The following DPY19L3 variants were observed in gnomAD, a reference collection of about 807,000 sequenced individuals.
DPY19L3 encodes the protein protein C-mannosyl-transferase DPY19L3.
Under a neutral mutation model 92.3 loss-of-function variants are expected in DPY19L3, and 51 were observed. The observed-to-expected ratio is 0.55, with a 90% CI of 0.44 to 0.70. The LOEUF (loss-of-function observed/expected upper bound fraction) is 0.70. Ranked by LOEUF, DPY19L3 falls within the 30% of genes least tolerant of loss-of-function variation. The pLI, the probability that DPY19L3 is intolerant of heterozygous loss-of-function variation, is 0.00. For synonymous variants in DPY19L3, 309 were observed against 315.2 expected (o/e 0.98, Z 0.21); for missense variants, 706 against 855.9 (o/e 0.82, Z 2.18).
Position 32,471,259 on chromosome 19 carries a change from G to A in DPY19L3, c.1697+2446G>A, listed in dbSNP as rs368496134. Among the ~76,000 whole-genome samples the A allele has an allele frequency of 4.6e-5, 7 of 152,270 alleles. No individual in the cohort carries two copies. In the East Asian group the frequency reaches 1.4e-3, roughly 29 times the overall value. The stretch of plus-strand genomic sequence containing the variant: ...GCTGTGTCTGAAAGAGTCCCAAGAC[G>A]CCTGGCAGAGAACCAGCACTGTCCC... On this transcript the variant is annotated intron_variant, in intron 16 of 18. Coordinates refer to ENST00000392250, the MANE Select transcript of DPY19L3 (RefSeq NM_001172774.2).
intron 16 of DPY19L3, among the ~76,000 whole-genome samples, chr19:32,474,516 A>ATACG (rs1294910868): frequency 6.6e-6 from 1 of 152,198 alleles, no homozygotes; most frequent in Non-Finnish European, 1.5e-5. Context: ...GCATTAGTAA[A>ATACG]TACGTGATAC....
intron 6 of DPY19L3, among the ~76,000 whole-genome samples, chr19:32,438,074 T>C (rs1450413025): frequency 6.6e-6 from 1 of 152,200 alleles, no homozygotes; most frequent in Non-Finnish European, 1.5e-5. Flanking sequence ...GTTTTTGCCT[T>C]ATTTAATATC....
At chr19:32,417,766 T>C (rs1968427435) in intron 3 of DPY19L3, among the ~76,000 whole-genome samples, 2 of 152,204 alleles carry the variant, frequency 1.3e-5, no homozygotes, top group Admixed American at 1.3e-4. Flanking sequence ...TAAACCTCTT[T>C]CCTTTATAAA....
intron 8 of DPY19L3, among the ~76,000 whole-genome samples, chr19:32,449,827 T>C (rs7252443): frequency 0.31 from 46,613 of 152,004 alleles, 8,138 homozygotes; most frequent in African/African-American, 0.46. Flanking sequence ...GAAAACATAG[T>C]AATAACTCTT....
intron 8 of DPY19L3, among the ~76,000 whole-genome samples, chr19:32,443,505 G>A (rs1446866102): frequency 6.6e-6 from 1 of 152,126 alleles, no homozygotes; most frequent in Admixed American, 6.6e-5. Context: ...ATGTGAGGAG[G>A]ACACAGCAAG....
chr19:32,449,581 C>G (rs1969630678), intron 8 of DPY19L3, among the ~76,000 whole-genome samples: 1 of 151,954 alleles, frequency 6.6e-6, no homozygotes, highest in Non-Finnish European at 1.5e-5. Context: ...TGACATAAAC[C>G]CATGGAATAG....
intron 4 of DPY19L3, among the ~76,000 whole-genome samples, chr19:32,434,637 C>T (rs1025723456): frequency 2.6e-5 from 4 of 152,162 alleles, no homozygotes; most frequent in South Asian, 4.1e-4. Flanking sequence ...CCAGCCTGGG[C>T]GACAGAGCGA....
intron 16 of DPY19L3, 186 bp downstream of exon 16, chr19:32,468,999 C>T (rs536199726): frequency 1.3e-5 from 6 of 471,416 alleles, no homozygotes; most frequent in South Asian, 5.0e-5. Context: ...GAAATATTCT[C>T]TCCAGCTATA....
chr19:32,459,378 G>A (rs906379892), intron 12 of DPY19L3, among the ~76,000 whole-genome samples: 5 of 152,154 alleles, frequency 3.3e-5, no homozygotes, highest in East Asian at 1.9e-4. Context: ...GCCAATTAAT[G>A]TGCTGGTGAA....
intron 4 of DPY19L3, among the ~76,000 whole-genome samples, chr19:32,434,549 C>T (rs1023020020): frequency 6.6e-6 from 1 of 152,304 alleles, no homozygotes; most frequent in African/African-American, 2.4e-5. Flanking sequence ...ATTCCAGCTA[C>T]TCCGGAGGCT....
intron 12 of DPY19L3, among the ~76,000 whole-genome samples, chr19:32,460,323 A>T (rs1969997661): frequency 6.6e-6 from 1 of 152,188 alleles, no homozygotes; most frequent in Non-Finnish European, 1.5e-5. Context: ...AGGCGGGAGG[A>T]TCACTTGAGC....
At chr19:32,411,817 C>G (rs1322402602) in intron 3 of DPY19L3, 1 of 163,378 alleles carries the variant, frequency 6.1e-6, no homozygotes. Flanking sequence ...CTGCCTGTCT[C>G]AGCCTCCCAA....
chr19:32,438,530 G>A (rs541919694), intron 6 of DPY19L3, among the ~76,000 whole-genome samples: 1 of 151,936 alleles, frequency 6.6e-6, no homozygotes, highest in Non-Finnish European at 1.5e-5. Flanking sequence ...GATATATGTA[G>A]ATATAGGTAC....
At chr19:32,477,196 T>G (rs1970537120) in intron 16 of DPY19L3, among the ~76,000 whole-genome samples, 1 of 152,048 alleles carries the variant, frequency 6.6e-6, no homozygotes, top group Non-Finnish European at 1.5e-5. Flanking sequence ...CTTATAAAAG[T>G]AAACCTAGCA....
chr19:32,427,200 G>A (rs1414346135), intron 3 of DPY19L3, among the ~76,000 whole-genome samples: 1 of 152,126 alleles, frequency 6.6e-6, no homozygotes, highest in African/African-American at 2.4e-5. Flanking sequence ...TTGCCATGTT[G>A]CCTAGGCTGG....
intron 7 of DPY19L3, among the ~76,000 whole-genome samples, 182 bp downstream of exon 7, chr19:32,439,417 T>G (rs1423422008): frequency 6.6e-6 from 1 of 152,222 alleles, no homozygotes; most frequent in African/African-American, 2.4e-5. Flanking sequence ...AAAGAAAATG[T>G]TTTCATTTTT....
In DPY19L3 at chr19:32,480,432, G is replaced by C; in HGVS notation, c.1864G>C (p.Glu622Gln). 6.2e-7 allele frequency: 1 copy of C among 1,613,672 alleles called. No individual in the cohort carries two copies. The highest frequency in any genetic ancestry group is 8.5e-7 in the Non-Finnish European group (1 of 1,179,848). Reference sequence around the variant, plus strand: ...GATATATGCCAAGAGGGCACCAGAGGAAGTGCATGCCCTCCTAAGGTCCTT... The same window carrying C: ...GATATATGCCAAGAGGGCACCAGAGCAAGTGCATGCCCTCCTAAGGTCCTT... ...YQIYAKRAPE[E>Q]VHALLRSFGT... The change falls in exon 18 of 19, where the codon GAA (glutamate) becomes CAA (glutamine). Residue 622 changes from glutamate to glutamine, a missense_variant. Glu to Gln is a conservative substitution (Grantham distance 29). Transcript: ENST00000392250.
intron 1 of DPY19L3, among the ~76,000 whole-genome samples, chr19:32,406,583 C>T (rs1967959723): frequency 6.6e-6 from 1 of 152,068 alleles, no homozygotes; most frequent in Non-Finnish European, 1.5e-5. Flanking sequence ...AACTCATGGT[C>T]TGAAGTCATC....
In DPY19L3 at chr19:32,439,268, C is replaced by A. The variant is rs771190249; in HGVS notation, c.720+33C>A. 1.9e-6 allele frequency: 3 copies of A among 1,592,908 alleles called. No individual in the cohort carries two copies. In the Admixed American group the frequency reaches 5.2e-5, roughly 27 times the overall value. ...TTTATAAAATTTCATATATTTTAAT[C>A]CCCCAATTTTATATATGAAGCTTCA... On this transcript the variant is annotated intron_variant, in intron 7 of 18. Coordinates refer to ENST00000392250, the MANE Select transcript of DPY19L3 (RefSeq NM_001172774.2).
Sources: allele counts gnomAD v4.1 joint callset (sites outside exome capture counted in the v4.1 genomes callset), GRCh38; gene constraint gnomAD v4.1.1; transcripts MANE v1.5; gene names NCBI Gene and HGNC (gene_info 2026-07-23, HGNC 2026-07-21).